The following FILIP1L variants were observed in gnomAD, a reference collection of about 807,000 sequenced individuals.
FILIP1L encodes filamin A-interacting protein 1-like.
A neutral mutation model predicts 96.6 loss-of-function variants in FILIP1L; 55 were observed. That is an observed-to-expected ratio of 0.57 (90% CI 0.46 to 0.71). The LOEUF (loss-of-function observed/expected upper bound fraction) is 0.71, where lower values mean the gene tolerates loss of function less well. Among genes scored for constraint, FILIP1L ranks in the 30% least tolerant of loss-of-function variants. The pLI is 0.00. For synonymous variants in FILIP1L, 467 were observed against 473.9 expected, an observed-to-expected ratio of 0.99 and a Z score of 0.19; for missense variants, 1,304 against 1,321.2, an observed-to-expected ratio of 0.99 and a Z score of 0.20.
chr3:100,032,140 T>C (rs1320735778), intron 1 of FILIP1L, among the ~76,000 whole-genome samples: 1 of 152,068 alleles, frequency 6.6e-6, no homozygotes, highest in Admixed American at 6.6e-5. Context: ...ATGAGGAAGA[T>C]TGTAGGTGTT....
chr3:99,971,202 T>C (rs1454708421), intron 1 of FILIP1L, among the ~76,000 whole-genome samples: 2 of 152,020 alleles, frequency 1.3e-5, no homozygotes, highest in East Asian at 3.9e-4. Flanking sequence ...TAGCCGGGCC[T>C]GGTGGCAGAT....
chr3:99,953,717 G>C (rs1161336724), intron 1 of FILIP1L, among the ~76,000 whole-genome samples: 1 of 152,146 alleles, frequency 6.6e-6, no homozygotes, highest in Non-Finnish European at 1.5e-5. Flanking sequence ...GCTTTTCATA[G>C]ATAATGAAAC....
At chr3:99,845,673 A>T (rs1335223324) in intron 5 of FILIP1L, among the ~76,000 whole-genome samples, 1 of 152,230 alleles carries the variant, frequency 6.6e-6, no homozygotes, top group Non-Finnish European at 1.5e-5. Flanking sequence ...TCAAAATTAA[A>T]GGCCAGAAAT....
intron 1 of FILIP1L, among the ~76,000 whole-genome samples, chr3:99,941,394 C>T (rs901187790): frequency 6.6e-6 from 1 of 152,160 alleles, no homozygotes; most frequent in African/African-American, 2.4e-5. Flanking sequence ...CTAATTCTGC[C>T]AAAGGGCCTT....
intron 5 of FILIP1L, among the ~76,000 whole-genome samples, chr3:99,841,900 T>C (rs1306243891): frequency 6.6e-6 from 1 of 152,174 alleles, no homozygotes; most frequent in Non-Finnish European, 1.5e-5. Context: ...TGTAAACTAG[T>C]ACGAGCATGG....
chr3:99,971,113 G>A lies in FILIP1L; in HGVS notation c.-10-40083C>T, dbSNP rs905949568. Among the ~76,000 whole-genome samples, 11 of 152,222 alleles carry A rather than the reference G, an allele frequency of 7.2e-5. No individual in the cohort carries two copies. The East Asian group carries it at 1.4e-3, about 19-fold the overall frequency. ...AGCACTTTGGGAGGCCAAGGCGGGC[G>A]GATCACTAGGTCAGGAGATCGAGAC... On this transcript the variant is annotated intron_variant, in intron 1 of 5. Transcript: ENST00000477258.
chr3:99,991,950 G>C (rs1355378499), intron 1 of FILIP1L, among the ~76,000 whole-genome samples: 2 of 144,580 alleles, frequency 1.4e-5, no homozygotes, highest in Non-Finnish European at 3.0e-5. Context: ...GTATATATGT[G>C]TATATATGTG....
At position 99,850,600 on chromosome 3, in the gene FILIP1L, C is replaced by T. The variant is rs1376117585; in HGVS notation, c.1076G>A (p.Ser359Asn). 9.9e-6 allele frequency: 16 copies of T among 1,613,700 alleles called. No individual in the cohort carries two copies. The highest frequency in any genetic ancestry group is 1.4e-5 in the Non-Finnish European group (16 of 1,180,028). Residue 359 changes from serine to asparagine, a missense_variant, in exon 5 of 6, where the codon AGT becomes AAT. Transcript: ENST00000477258. ...EELQDIKEKI[S>N]KGEYGNAGIM... ...ACCAGCGTTTCCATATTCTCCCTTA[C>T]TGATTTTTTCTTTTATATCTTGCAG... is the stretch of plus-strand genomic sequence containing the variant.
intron 1 of FILIP1L, among the ~76,000 whole-genome samples, chr3:100,107,645 TA>T (rs1185494838): frequency 6.6e-6 from 1 of 152,114 alleles, no homozygotes; most frequent in East Asian, 1.9e-4. Flanking sequence ...TTCCTTGTTT[TA>T]AAAGGAGTAA....
intron 1 of FILIP1L, among the ~76,000 whole-genome samples, chr3:99,939,366 G>T (rs1028996983): frequency 1.3e-5 from 2 of 152,148 alleles, no homozygotes; most frequent in African/African-American, 4.8e-5. Flanking sequence ...TACTCTTCTT[G>T]CCACAGTGTA....
At chr3:99,897,754 C>T (rs1301313276) in intron 4 of FILIP1L, among the ~76,000 whole-genome samples, 1 of 152,102 alleles carries the variant, frequency 6.6e-6, no homozygotes, top group Non-Finnish European at 1.5e-5. Context: ...TTTACCTTGA[C>T]CAGATGGGGA....
At chr3:100,025,435 T>C (rs1305750224) in intron 1 of FILIP1L, 1 of 152,212 alleles carries the variant, frequency 6.6e-6, no homozygotes, top group Non-Finnish European at 1.5e-5. Context: ...CAGTGTTGTC[T>C]TCCTTCCCCA....
intron 1 of FILIP1L, among the ~76,000 whole-genome samples, chr3:99,983,454 ATATATG>A (rs1709213060): frequency 1.2e-4 from 1 of 8,124 alleles, no homozygotes; most frequent in Admixed American, 1.5e-3. Flanking sequence ...ATGTATATAT[ATATATG>A]TGTGTATATA....
intron 4 of FILIP1L, 39 bp from the exon 5 acceptor site, chr3:99,851,109 C>T (rs1056393762): frequency 6.8e-7 from 1 of 1,468,746 alleles, no homozygotes; most frequent in Admixed American, 2.2e-5. Context: ...GTGATTGATG[C>T]TTTAGTAACT....
At position 99,850,307 on chromosome 3, in the gene FILIP1L, G is replaced by A. The variant is rs1317409125; in HGVS notation, c.1369C>T (p.Gln457Ter). 1 of 1,613,462 alleles carries A rather than the reference G, an allele frequency of 6.2e-7. No individual in the cohort carries two copies. Among genetic ancestry groups the A allele is most frequent in the Admixed American group, 1.7e-5 (1 of 59,922 alleles). Residue 457 changes from glutamine to a stop codon, truncating the protein, a stop_gained, in exon 5 of 6, where the codon CAG becomes TAG. Coordinates refer to ENST00000477258, the MANE Select transcript of FILIP1L (RefSeq NM_001387850.1). LOFTEE classifies it high-confidence loss of function. ...NLEKERMTTK[Q>*]LSQELESLKV... ...AAACTCTCCAGTTCTTGAGACAACT[G>A]CTTTGTGGTCATCCTTTCTTTTTCT...
intron 1 of FILIP1L, among the ~76,000 whole-genome samples, chr3:100,102,396 T>C (rs2066325368): frequency 1.3e-5 from 2 of 152,144 alleles, no homozygotes; most frequent in South Asian, 2.1e-4. Flanking sequence ...TCCTTGGAAA[T>C]GGGATAATAA....
chr3:99,905,215 G>T (rs1336501300), intron 4 of FILIP1L, among the ~76,000 whole-genome samples: 3 of 152,098 alleles, frequency 2.0e-5, no homozygotes, highest in African/African-American at 7.2e-5. Context: ...TTCTCCCCTG[G>T]GACTATCATC....
chr3:100,108,058 C>A (rs923893479), intron 1 of FILIP1L, among the ~76,000 whole-genome samples: 2 of 151,930 alleles, frequency 1.3e-5, no homozygotes, highest in Non-Finnish European at 2.9e-5. Context: ...CATACCTGTC[C>A]GTGGATGTGT....
intron 1 of FILIP1L, among the ~76,000 whole-genome samples, chr3:100,080,605 T>G (rs2065918490): frequency 6.6e-6 from 1 of 152,096 alleles, no homozygotes. Flanking sequence ...CTGAAACTGG[T>G]TAGGTATGAA....
Sources: allele counts gnomAD v4.1 joint callset (sites outside exome capture counted in the v4.1 genomes callset), GRCh38; gene constraint gnomAD v4.1.1; transcripts MANE v1.5; gene names NCBI Gene and HGNC (gene_info 2026-07-23, HGNC 2026-07-21).